Variants in TRANK1 observed in about 807,000 individuals in gnomAD.
The protein encoded by TRANK1 is TPR and ankyrin repeat-containing protein 1.
A neutral mutation model predicts 266.0 loss-of-function variants in TRANK1; 198 were observed. That is an observed-to-expected ratio of 0.74 (90% confidence interval 0.66 to 0.84). The LOEUF is 0.84. Ranked by LOEUF, TRANK1 falls within the 40% of genes least tolerant of loss-of-function variation. The pLI, the probability that TRANK1 is intolerant of heterozygous loss-of-function variation, is 0.00. For missense variants in TRANK1, 3,326 were observed against 3,634.6 expected (o/e 0.92, Z 2.18); for synonymous variants, 1,396 against 1,384.1 (o/e 1.01, Z -0.19).
intron 1 of TRANK1, among the ~76,000 whole-genome samples, chr3:36,916,746 C>T (rs868729261): frequency 1.3e-5 from 2 of 151,868 alleles, no homozygotes; most frequent in South Asian, 4.2e-4. Context: ...CCAAATTTTA[C>T]TTTGCATTAC....
chr3:36,855,293 G>A lies in TRANK1; in HGVS notation c.4429C>T (p.Arg1477Cys), dbSNP rs748404500. 22 of 1,613,940 alleles carry A rather than the reference G, an allele frequency of 1.4e-5. No homozygotes were observed. The highest frequency in any genetic ancestry group is 2.2e-5 in the East Asian group (1 of 44,902). Reference protein sequence around the residue: ...AQSIMKGVAFRFSDLRSLFHY... With the variant: ...AQSIMKGVAFCFSDLRSLFHY... ...AACAGAGAGCGCAGATCGCTGAAGC[G>A]GAAGGCCACGCCCTTCATGATGCTC... Residue 1477 changes from arginine (R) to cysteine (C), a missense_variant, in exon 13 of 24, where the codon CGC becomes TGC. Coordinates refer to ENST00000645898, the MANE Select transcript of TRANK1 (RefSeq NM_001329998.2).
chr3:36,863,231 A>G (rs1422807131), intron 10 of TRANK1, among the ~76,000 whole-genome samples: 1 of 152,240 alleles, frequency 6.6e-6, no homozygotes, highest in African/African-American at 2.4e-5. Flanking sequence ...ACAGGAACAC[A>G]GGCCATAAGA....
intron 1 of TRANK1, among the ~76,000 whole-genome samples, chr3:36,909,288 C>T (rs537338703): frequency 6.2e-4 from 95 of 152,308 alleles, no homozygotes; most frequent in South Asian, 1.2e-3. Flanking sequence ...ATGCCAGACC[C>T]AGAGAAGACG....
chr3:36,892,086 A>C, intron 7 of TRANK1, 116 bp downstream of exon 7: 1 of 1,214,104 alleles, frequency 8.2e-7, no homozygotes, highest in Non-Finnish European at 1.1e-6. Flanking sequence ...GATCATTTGA[A>C]TATTCAAATG....
intron 15 of TRANK1, among the ~76,000 whole-genome samples, chr3:36,849,193 GGTT>G (rs1291119395): frequency 1.3e-5 from 2 of 152,150 alleles, no homozygotes; most frequent in African/African-American, 4.8e-5. Context: ...AACCCATAAA[GGTT>G]GTAGTTTTCA....
At chr3:36,909,050 G>T (rs1224293336) in intron 1 of TRANK1, among the ~76,000 whole-genome samples, 1 of 152,268 alleles carries the variant, frequency 6.6e-6, no homozygotes, top group South Asian at 2.1e-4. Context: ...TATGCAAGTG[G>T]CTAGGACACA....
intron 17 of TRANK1, among the ~76,000 whole-genome samples, 173 bp downstream of exon 17, chr3:36,846,075 A>G (rs1309496754): frequency 6.6e-6 from 1 of 152,206 alleles, no homozygotes; most frequent in East Asian, 1.9e-4. Context: ...ATCCCACTAC[A>G]GCTACACTTT....
intron 20 of TRANK1, among the ~76,000 whole-genome samples, chr3:36,835,317 T>TAAAA (rs1263202494): frequency 4.4e-5 from 1 of 22,894 alleles, no homozygotes; most frequent in African/African-American, 2.7e-4. Context: ...AGACTCCGTC[T>TAAAA]CAAAAAAAAA....
Position 36,831,423 on chromosome 3 carries a change from C to T in TRANK1, c.8160G>A (p.Gln2720=). 6.2e-7 allele frequency: 1 copy of T among 1,613,128 alleles called. No homozygotes were observed. Among genetic ancestry groups the T allele is most frequent in the Non-Finnish European group, 8.5e-7 (1 of 1,179,556 alleles). Residue 2720 remains glutamine (Q), a synonymous_variant, in exon 22 of 24, where the codon CAG becomes CAA. Transcript: ENST00000645898. The surrounding 1 kb of genome is among the most constrained non-coding windows in gnomAD (Gnocchi z 5.0). The part of the protein sequence containing the change: ...LSQKQRKASI[Q]RKLRRACLVV... ...CCAGGCATGCCCTCCTCAACTTCCGCTGTATGGAGGCCTTCCGTTGCTTTT... is the reference window on the plus strand; with the variant it reads ...CCAGGCATGCCCTCCTCAACTTCCGTTGTATGGAGGCCTTCCGTTGCTTTT...
intron 1 of TRANK1, among the ~76,000 whole-genome samples, chr3:36,923,414 C>T (rs561358297): frequency 1.3e-5 from 2 of 152,216 alleles, no homozygotes; most frequent in African/African-American, 2.4e-5. Flanking sequence ...CGCCACCACG[C>T]CCAGCTAATT....
At chr3:36,925,374 A>G (rs997312147) in intron 1 of TRANK1, among the ~76,000 whole-genome samples, 3 of 152,290 alleles carry the variant, frequency 2.0e-5, no homozygotes, top group East Asian at 1.9e-4. Context: ...AAAGTTCTCT[A>G]TCTTCCTCTT....
chr3:36,833,569 T>G lies in TRANK1; in HGVS notation c.6014A>C (p.Asp2005Ala). The G allele has an allele frequency of 5.6e-6, 9 of 1,613,968 alleles. No individual in the cohort carries two copies. The highest frequency in any genetic ancestry group is 7.6e-6 in the Non-Finnish European group (9 of 1,179,900). ...AARLNVARDS[D>A]IEHTKDILRE... ...CAGAATGTCCTTGGTGTGTTCTATG[T>G]CGGAATCCCTGGCCACATTGAGGCG... Residue 2005 changes from aspartate to alanine, a missense_variant, in exon 22 of 24, where the codon GAC becomes GCC. Coordinates refer to ENST00000645898, the MANE Select transcript of TRANK1 (RefSeq NM_001329998.2).
intron 20 of TRANK1, among the ~76,000 whole-genome samples, chr3:36,837,888 A>G (rs1217076305): frequency 6.6e-6 from 1 of 152,140 alleles, no homozygotes; most frequent in Admixed American, 6.5e-5. Flanking sequence ...AATTTTTAAT[A>G]TTATTATATT....
chr3:36,849,507 C>T (rs1355600974), intron 15 of TRANK1, among the ~76,000 whole-genome samples: 2 of 152,198 alleles, frequency 1.3e-5, no homozygotes, highest in Non-Finnish European at 2.9e-5. Flanking sequence ...CCCCTCAACC[C>T]ACCCACATAT....
chr3:36,831,859 T>C lies in TRANK1; in HGVS notation c.7724A>G (p.Glu2575Gly), dbSNP rs1362426166. The C allele has an allele frequency of 2.5e-6, 4 of 1,613,870 alleles. No homozygotes were observed. The highest frequency in any genetic ancestry group is 4.5e-5 in the East Asian group (2 of 44,890). The change falls in exon 22 of 24, where the codon GAG (glutamate) becomes GGG (glycine). Residue 2575 changes from glutamate to glycine, a missense_variant. Physicochemically the swap from Glu to Gly is moderately conservative, Grantham distance 98. Coordinates refer to ENST00000645898, the MANE Select transcript of TRANK1 (RefSeq NM_001329998.2). This position sits in a 1 kb window ranked among gnomAD's most constrained non-coding sequence, Gnocchi z 5.0. Reference sequence around the variant, plus strand: ...AGGCTTGCAGTATGGCTGCAGGATCTCCTCAGCATTCACTAGCATCACCAA... The same window carrying C: ...AGGCTTGCAGTATGGCTGCAGGATCCCCTCAGCATTCACTAGCATCACCAA... ...LCLVMLVNAEEILQPYCKPLL... is the reference protein window; with the variant it reads ...LCLVMLVNAEGILQPYCKPLL...
rs1458254834 is a variant in TRANK1, at chr3:36,861,104, T to G, written c.1297A>C (p.Lys433Gln). The change falls in exon 11 of 24, where the codon AAA (lysine) becomes CAA (glutamine). Residue 433 changes from lysine to glutamine, a missense_variant. Lys to Gln is a moderately conservative substitution (Grantham distance 53). Coordinates refer to ENST00000645898, the MANE Select transcript of TRANK1 (RefSeq NM_001329998.2). ...INQDCATTVF[K>Q]FLLEKQRWPE... ...CATCTCTGTTTTTCCAATAAGAATTTGAAGACGGTGGTGGCACAGTCTTGA... is the reference window on the plus strand; with the variant it reads ...CATCTCTGTTTTTCCAATAAGAATTGGAAGACGGTGGTGGCACAGTCTTGA... 1 of 1,537,490 alleles carries G rather than the reference T, an allele frequency of 6.5e-7. No homozygotes were observed. Among genetic ancestry groups the G allele is most frequent in the Non-Finnish European group, 8.7e-7 (1 of 1,146,948 alleles).
chr3:36,940,333 T>C (rs184020827), intron 1 of TRANK1, among the ~76,000 whole-genome samples: 1,643 of 151,450 alleles, frequency 0.011, 37 homozygotes, highest in African/African-American at 0.036. Context: ...CTGTCTTTAC[T>C]AAAAAAGTAC....
At position 36,857,023 on chromosome 3, in the gene TRANK1, A is replaced by C; in HGVS notation, c.2699T>G (p.Leu900Arg). Residue 900 changes from leucine (L) to arginine (R), a missense_variant, in exon 13 of 24, where the codon CTC becomes CGC. Transcript: ENST00000645898. This position sits in a 1 kb window ranked among gnomAD's most constrained non-coding sequence, Gnocchi z 4.3. ...GGAGAAGTCAATGGCGAGCTCCCAG[A>C]GCATCCGGGCTCCTTTGTCCAGCTT... Reference protein sequence around the residue: ...EAKLDKGARMLWELAIDFSPR... With the variant: ...EAKLDKGARMRWELAIDFSPR... 1 of 1,613,946 alleles carries C rather than the reference A, an allele frequency of 6.2e-7. No homozygotes were observed.
At position 36,852,169 on chromosome 3, in the gene TRANK1, G is replaced by T; in HGVS notation, c.4726C>A (p.Pro1576Thr). ...ACCTGGTGGGCTCCAAATTCAATGG[G>T]CTGAGTTTTCCTTTTATTCCCTCGT... ...LLRGNKRKTQPIEFGAHQVIL... is the reference protein window; with the variant it reads ...LLRGNKRKTQTIEFGAHQVIL... Residue 1576 changes from proline (P) to threonine (T), a missense_variant, in exon 14 of 24, where the codon CCC (proline) becomes ACC (threonine). By Grantham distance (38) the Pro-to-Thr change is conservative (BLOSUM62 -1). Transcript: ENST00000645898. 6.3e-7 allele frequency: 1 copy of T among 1,596,748 alleles called. No individual in the cohort carries two copies. Among genetic ancestry groups the T allele is most frequent in the Non-Finnish European group, 8.5e-7 (1 of 1,175,724 alleles).
Sources: allele counts gnomAD v4.1 joint callset (sites outside exome capture counted in the v4.1 genomes callset), GRCh38; gene constraint gnomAD v4.1.1; non-coding constraint Gnocchi (gnomAD v3.1); transcripts MANE v1.5; gene names NCBI Gene and HGNC (gene_info 2026-07-23, HGNC 2026-07-21).